INPP4B: variants seen among roughly 807,000 people sequenced by gnomAD.
INPP4B encodes the protein inositol polyphosphate-4-phosphatase type II B.
INPP4B carries 55 observed loss-of-function variants against 122.5 expected under a neutral mutation model. The ratio of observed to expected loss-of-function variants is 0.45; its 90% confidence interval spans 0.36 to 0.56. The LOEUF is 0.56. Ranked by LOEUF, INPP4B falls within the 20% of genes least tolerant of loss-of-function variation. The pLI is 0.00. For missense variants in INPP4B, 1,000 were observed against 1,097.7 expected, an observed-to-expected ratio of 0.91 and a Z score of 1.26; for synonymous variants, 403 against 388.7, an observed-to-expected ratio of 1.04 and a Z score of -0.43.
chr4:142,370,403 A>C (rs1404132682), intron 7 of INPP4B, among the ~76,000 whole-genome samples: 1 of 152,172 alleles, frequency 6.6e-6, no homozygotes, highest in Non-Finnish European at 1.5e-5. Context: ...AAGACTTTAG[A>C]TTCCTCAAAA....
intron 7 of INPP4B, among the ~76,000 whole-genome samples, chr4:142,318,479 T>A (rs1292944095): frequency 6.6e-6 from 1 of 152,218 alleles, no homozygotes; most frequent in African/African-American, 2.4e-5. Flanking sequence ...CAAGCCTTCC[T>A]TAGGAATTCA....
At chr4:142,315,537 C>A (rs902285430) in intron 7 of INPP4B, among the ~76,000 whole-genome samples, 11 of 151,754 alleles carry the variant, frequency 7.2e-5, no homozygotes, top group Non-Finnish European at 1.5e-5. Context: ...ACCTGGGGAC[C>A]CTTTCAAACT....
chr4:142,315,709 T>G (rs778103385), intron 7 of INPP4B, among the ~76,000 whole-genome samples: 4 of 151,006 alleles, frequency 2.6e-5, no homozygotes, highest in Non-Finnish European at 4.4e-5. Flanking sequence ...ACATATCTAG[T>G]ATGTCTTAAT....
chr4:142,212,631 A>G, intron 12 of INPP4B, among the ~76,000 whole-genome samples: 1 of 152,190 alleles, frequency 6.6e-6, no homozygotes, highest in East Asian at 1.9e-4. Flanking sequence ...AACACACAGT[A>G]ACCAGATCAC....
At chr4:142,652,775 T>C (rs1343975120) in intron 2 of INPP4B, among the ~76,000 whole-genome samples, 1 of 152,154 alleles carries the variant, frequency 6.6e-6, no homozygotes, top group African/African-American at 2.4e-5. Context: ...ATTGTGAAAA[T>C]AGCCATATTG....
Position 142,402,374 on chromosome 4 carries a change from A to G in INPP4B, c.372+564T>C, listed in dbSNP as rs144312190. On this transcript the variant is annotated intron_variant, in intron 7 of 25. Coordinates refer to ENST00000262992, the MANE Select transcript of INPP4B (RefSeq NM_001101669.3). Reference sequence around the variant, plus strand: ...ATGATGCAATTGGAGGAATATGCAGACCAGTTAGGAAGATTGAAGAATTTA... The same window carrying G: ...ATGATGCAATTGGAGGAATATGCAGGCCAGTTAGGAAGATTGAAGAATTTA... Among the ~76,000 whole-genome samples the G allele has an allele frequency of 5.4e-3, 821 of 152,332 alleles. 7 individuals are homozygous for G. Among genetic ancestry groups the G allele is most frequent in the African/African-American group, 0.019 (781 of 41,578 alleles).
chr4:142,788,712 T>C (rs953680605), intron 1 of INPP4B, among the ~76,000 whole-genome samples: 6 of 152,134 alleles, frequency 3.9e-5, no homozygotes, highest in African/African-American at 9.7e-5. Flanking sequence ...AGTGAGAACA[T>C]ATGATGTTTG....
Position 142,028,511 on chromosome 4 carries a change from C to T in INPP4B, c.*271G>A. 2.5e-6 allele frequency: 1 copy of T among 395,914 alleles called. No individual in the cohort carries two copies. 24.5% of individuals were successfully genotyped at this position (395,914 alleles called of 1,614,324 possible). A position where few individuals can be genotyped will look rare whatever the true frequency, so the allele number is the denominator to read the frequency against. ...TAAATACTCATGAATGAAATTTACACTTTGTGAACCAATCTCAATCAGCTA... is the reference window on the plus strand; with the variant it reads ...TAAATACTCATGAATGAAATTTACATTTTGTGAACCAATCTCAATCAGCTA... On this transcript the variant is annotated 3_prime_UTR_variant, in exon 26 of 26. Transcript: ENST00000262992.
At chr4:142,569,379 T>G (rs1732331895) in intron 2 of INPP4B, among the ~76,000 whole-genome samples, 1 of 152,086 alleles carries the variant, frequency 6.6e-6, no homozygotes. Context: ...TGCTTGCTTT[T>G]GCTTATTAAC....
At chr4:142,442,951 G>A (rs1312413540) in intron 3 of INPP4B, among the ~76,000 whole-genome samples, 1 of 152,084 alleles carries the variant, frequency 6.6e-6, no homozygotes, top group Non-Finnish European at 1.5e-5. Flanking sequence ...TTGTGCAGGG[G>A]AACTCCCATT....
chr4:142,530,558 T>TAC (rs1231702144), intron 2 of INPP4B, among the ~76,000 whole-genome samples: 3 of 144,136 alleles, frequency 2.1e-5, no homozygotes, highest in Admixed American at 1.5e-4. Flanking sequence ...TGCATATATA[T>TAC]ATATATATAT....
At chr4:142,535,076 T>C (rs1470445184) in intron 2 of INPP4B, among the ~76,000 whole-genome samples, 1 of 152,186 alleles carries the variant, frequency 6.6e-6, no homozygotes, top group African/African-American at 2.4e-5. Context: ...GAAGTAAACA[T>C]TATCTTGAGG....
chr4:142,268,346 ATG>A (rs1475571478), intron 10 of INPP4B, among the ~76,000 whole-genome samples: 400 of 144,942 alleles, frequency 2.8e-3, no homozygotes, highest in Middle Eastern at 6.9e-3. Context: ...AAAAAAAAAA[ATG>A]AGGGGTAAGT....
At chr4:142,311,858 A>G (rs2151285854) in intron 8 of INPP4B, among the ~76,000 whole-genome samples, 1 of 152,290 alleles carries the variant, frequency 6.6e-6, no homozygotes, top group African/African-American at 2.4e-5. Flanking sequence ...AGAATGTGCT[A>G]CCTGGGGTAC....
intron 9 of INPP4B, among the ~76,000 whole-genome samples, chr4:142,272,035 C>T (rs2150591058): frequency 6.6e-6 from 1 of 152,302 alleles, no homozygotes. Context: ...TGATGTGTTG[C>T]TGTCACTTCT....
intron 7 of INPP4B, among the ~76,000 whole-genome samples, chr4:142,391,634 AAGG>A (rs1323499409): frequency 6.6e-6 from 1 of 152,172 alleles, no homozygotes; most frequent in Non-Finnish European, 1.5e-5. Context: ...ACTCCTGGAG[AAGG>A]AGGATGGCCA....
intron 7 of INPP4B, among the ~76,000 whole-genome samples, chr4:142,347,181 G>A (rs1780562094): frequency 6.6e-6 from 1 of 151,898 alleles, no homozygotes; most frequent in South Asian, 2.1e-4. Flanking sequence ...AGTTCATATA[G>A]TAATTTTTTT....
intron 8 of INPP4B, chr4:142,305,879 A>G (rs1763161837): frequency 9.3e-7 from 1 of 1,073,174 alleles, no homozygotes; most frequent in Non-Finnish European, 1.1e-6. Context: ...ATATTTACCA[A>G]TGCTGTTGTT....
At chr4:142,730,152 T>C (rs1765873579) in intron 1 of INPP4B, among the ~76,000 whole-genome samples, 1 of 152,150 alleles carries the variant, frequency 6.6e-6, no homozygotes, top group Non-Finnish European at 1.5e-5. Flanking sequence ...CCAGCCCTTT[T>C]GGATTGGAAA....
Sources: allele counts gnomAD v4.1 joint callset (sites outside exome capture counted in the v4.1 genomes callset), GRCh38; gene constraint gnomAD v4.1.1; transcripts MANE v1.5; gene names NCBI Gene and HGNC (gene_info 2026-07-23, HGNC 2026-07-21).